Variants in CBLC observed in about 807,000 individuals in gnomAD.
The protein encoded by CBLC is E3 ubiquitin-protein ligase CBL-C.
In CBLC, 46 loss-of-function variants were observed where a neutral mutation model predicts 58.6. The ratio of observed to expected loss-of-function variants is 0.79; its 90% confidence interval spans 0.62 to 1.00. The LOEUF (loss-of-function observed/expected upper bound fraction) is 1.00, where lower values mean the gene tolerates loss of function less well. Among genes scored for constraint, CBLC ranks in the 50% least tolerant of loss-of-function variants. The pLI is 0.00. For missense variants in CBLC, 655 were observed against 625.8 expected, an observed-to-expected ratio of 1.05 and a Z score of -0.50; for synonymous variants, 271 against 264.2, an observed-to-expected ratio of 1.03 and a Z score of -0.25.
chr19:44,780,832 T>G, intron 1 of CBLC, 73 bp from the exon 2 acceptor site: 1 of 1,449,042 alleles, frequency 6.9e-7, no homozygotes, highest in Middle Eastern at 1.8e-4. Flanking sequence ...CCTGCAGGTG[T>G]TCCCCATGAG....
chr19:44,789,971 G>A (rs1968003328), intron 5 of CBLC, 33 bp from the exon 6 acceptor site: 1 of 1,398,362 alleles, frequency 7.2e-7, no homozygotes, highest in Non-Finnish European at 1.0e-6. Context: ...ATACTGGATG[G>A]CCCCCCAGTC....
At position 44,783,685 on chromosome 19, in the gene CBLC, A is replaced by AC. The variant is rs542682515; in HGVS notation, c.780-578dup. Among the ~76,000 whole-genome samples the AC allele has an allele frequency of 3.7e-3, 570 of 152,290 alleles. 2 individuals are homozygous for AC. Among genetic ancestry groups the AC allele is most frequent in the South Asian group, 0.012 (60 of 4,822 alleles). ...AACAGAGCAAGACTCTGTCTCAAAAACAAAAAGGAAGAAAAGAAAAGAAGC... is the reference window on the plus strand; with the variant it reads ...AACAGAGCAAGACTCTGTCTCAAAAACCAAAAAGGAAGAAAAGAAAAGAAGC... On this transcript the variant is annotated intron_variant, in intron 4 of 10. Transcript: ENST00000647358.
rs115851579 is a variant in CBLC at position 44,784,864 on chromosome 19, C to A, written c.917+463C>A. On this transcript the variant is annotated intron_variant, in intron 5 of 10. Transcript: ENST00000647358. ...GACAGGCGTGAGCCACCGTGCCCAGCCAGCTTTTGTTTCTAGATATGAGAT... is the reference window on the plus strand; with the variant it reads ...GACAGGCGTGAGCCACCGTGCCCAGACAGCTTTTGTTTCTAGATATGAGAT... Among the ~76,000 whole-genome samples the A allele has an allele frequency of 2.5e-3, 371 of 149,366 alleles. 1 individual carries two copies. The highest frequency in any genetic ancestry group is 8.8e-3 in the African/African-American group (357 of 40,580).
chr19:44,783,142 G>A (rs536610490), intron 4 of CBLC, among the ~76,000 whole-genome samples: 23 of 152,218 alleles, frequency 1.5e-4, no homozygotes, highest in Non-Finnish European at 2.8e-4. Flanking sequence ...AGGCCGAGGC[G>A]GGCAAATCAC....
At chr19:44,797,247 TTTG>T (rs552867483) in intron 9 of CBLC, among the ~76,000 whole-genome samples, 15 of 151,968 alleles carry the variant, frequency 9.9e-5, no homozygotes, top group South Asian at 8.3e-4. Flanking sequence ...TGTCATAACT[TTTG>T]TTGTTGTTGT....
At chr19:44,780,457 A>G (rs1257893387) in intron 1 of CBLC, among the ~76,000 whole-genome samples, 1 of 137,498 alleles carries the variant, frequency 7.3e-6, no homozygotes, top group Non-Finnish European at 1.5e-5. Context: ...AAAGCCATGT[A>G]TATCGTTTTT....
chr19:44,796,731 G>A (rs538957153), intron 9 of CBLC, among the ~76,000 whole-genome samples: 2 of 151,986 alleles, frequency 1.3e-5, no homozygotes, highest in African/African-American at 2.4e-5. Context: ...TTCTCCCTAC[G>A]CTGCCACCCC....
Position 44,777,985 on chromosome 19 carries a change from G to A in CBLC, c.54G>A (p.Leu18=). 1.2e-6 allele frequency: 2 copies of A among 1,607,486 alleles called. No individual in the cohort carries two copies. Among genetic ancestry groups the A allele is most frequent in the Non-Finnish European group, 1.7e-6 (2 of 1,179,180 alleles). ...GACAGTGGGAAGAGGCCCGCGCCCT[G>A]GGCCGGGCAGTCAGGATGCTGCAGC... The part of the protein sequence containing the change: ...WGRQWEEARA[L]GRAVRMLQRL... Residue 18 remains leucine (L), a synonymous_variant, in exon 1 of 11, where the codon CTG becomes CTA. Coordinates refer to ENST00000647358, the MANE Select transcript of CBLC (RefSeq NM_012116.4).
chr19:44,781,163 C>G lies in CBLC; in HGVS notation c.501-44C>G, dbSNP rs761978098. 10 of 1,584,042 alleles carry G rather than the reference C, an allele frequency of 6.3e-6. No individual in the cohort carries two copies. In the South Asian group the frequency reaches 1.1e-4, roughly 18 times the overall value. On this transcript the variant is annotated intron_variant, in intron 2 of 10. Transcript: ENST00000647358. ...CCTGGAGACCCTCCCATCATAGGCTCTGGGAGGCCTCAGCGGTGTCTCCCC... is the reference window on the plus strand; with the variant it reads ...CCTGGAGACCCTCCCATCATAGGCTGTGGGAGGCCTCAGCGGTGTCTCCCC...
chr19:44,796,167 A>G (rs1968174014), intron 9 of CBLC, among the ~76,000 whole-genome samples: 1 of 152,034 alleles, frequency 6.6e-6, no homozygotes, highest in East Asian at 1.9e-4. Context: ...GTGAGCCAAG[A>G]TCGCGCCACT....
Position 44,784,557 on chromosome 19 carries a change from C to A in CBLC, c.917+156C>A, listed in dbSNP as rs182254003. The A allele has an allele frequency of 3.8e-4, 272 of 720,552 alleles. 3 individuals carry two copies. The highest frequency in any genetic ancestry group is 2.5e-4 in the Non-Finnish European group (118 of 474,586). The allele number at this position is 720,552 out of a possible 1,614,324, so 44.6% of individuals were successfully genotyped here. A position where few individuals can be genotyped will look rare whatever the true frequency, so the allele number is the denominator to read the frequency against. ...AGTACTACAAAATTCCAGCAGGTGGCAGTCAAAGGTCTTGAGGAAGGGGCG... is the reference window on the plus strand; with the variant it reads ...AGTACTACAAAATTCCAGCAGGTGGAAGTCAAAGGTCTTGAGGAAGGGGCG... On this transcript the variant is annotated intron_variant, in intron 5 of 10. Coordinates refer to ENST00000647358, the MANE Select transcript of CBLC (RefSeq NM_012116.4).
chr19:44,793,766 C>CT, intron 8 of CBLC, 146 bp downstream of exon 8: 1 of 732,896 alleles, frequency 1.4e-6, no homozygotes, highest in Non-Finnish European at 2.1e-6. Context: ...AGCCTGTACT[C>CT]TGAGTCTAAG....
intron 5 of CBLC, 51 bp from the exon 6 acceptor site, chr19:44,789,953 G>T: frequency 8.6e-7 from 1 of 1,167,672 alleles, no homozygotes; most frequent in Non-Finnish European, 1.3e-6. Context: ...TTCATCTGGG[G>T]GTGGGAAATA....
At chr19:44,790,586 C>T (rs1968021235) in intron 6 of CBLC, among the ~76,000 whole-genome samples, 1 of 151,960 alleles carries the variant, frequency 6.6e-6, no homozygotes, top group Non-Finnish European at 1.5e-5. Context: ...AGGTGTGAGC[C>T]ACTGCACCCA....
chr19:44,799,853 GAAA>G lies in CBLC; in HGVS notation c.1363-525_1363-523del, dbSNP rs768179029. Among the ~76,000 whole-genome samples, 14 of 151,238 alleles carry G rather than the reference GAAA, an allele frequency of 9.3e-5. No homozygotes were observed. In the South Asian group the frequency reaches 2.7e-3, roughly 29 times the overall value. ...GAAGAAAGAAAGAAAAGAAAAGAAA[GAAA>G]AAGAAGAAAAAAGAAAGAGAAAAGG... On this transcript the variant is annotated intron_variant, in intron 9 of 10. Transcript: ENST00000647358.
intron 5 of CBLC, among the ~76,000 whole-genome samples, chr19:44,785,196 C>T (rs1199945034): frequency 3.3e-5 from 5 of 150,946 alleles, no homozygotes; most frequent in Admixed American, 6.6e-5. Flanking sequence ...AGGCTGGTCT[C>T]GAACTCCTGA....
chr19:44,786,002 G>A (rs1168229072), intron 5 of CBLC, among the ~76,000 whole-genome samples: 1 of 151,946 alleles, frequency 6.6e-6, no homozygotes, highest in Non-Finnish European at 1.5e-5. Flanking sequence ...GGCTCACCAT[G>A]TTGCCTAGGC....
chr19:44,780,807 G>A, intron 1 of CBLC, 98 bp from the exon 2 acceptor site: 1 of 1,290,582 alleles, frequency 7.7e-7, no homozygotes, highest in Non-Finnish European at 1.1e-6. Context: ...TTGAGATAGA[G>A]TCCAGAGCCT....
chr19:44,781,372 A>G lies in CBLC; in HGVS notation c.657+9A>G, dbSNP rs1279698618. The G allele has an allele frequency of 5.6e-6, 9 of 1,606,016 alleles. No individual in the cohort carries two copies. The highest frequency in any genetic ancestry group is 6.8e-6 in the Non-Finnish European group (8 of 1,179,206). On this transcript the variant is annotated intron_variant, in intron 3 of 10. Transcript: ENST00000647358. The stretch of plus-strand genomic sequence containing the variant: ...TCACCAGGCTCTTTCAGGTCAGGGA[A>G]GGCCAAGGCTGGGAGCTAGACTTGG...
Sources: gnomAD v4.1 joint callset for allele counts (sites outside exome capture counted in the v4.1 genomes callset) on GRCh38, gnomAD v4.1.1 for gene constraint, MANE v1.5 for transcripts, NCBI Gene and HGNC (gene_info 2026-07-23, HGNC 2026-07-21) for gene names.